The following PPFIA2 variants were observed in gnomAD, a reference collection of about 807,000 sequenced individuals.
The protein encoded by PPFIA2 is liprin-alpha-2.
Under a neutral mutation model 175.5 loss-of-function variants are expected in PPFIA2, and 46 were observed. The observed-to-expected ratio is 0.26, with a 90% CI of 0.21 to 0.34. PPFIA2 has a LOEUF of 0.34. Ranked by LOEUF, PPFIA2 falls within the 10% of genes least tolerant of loss-of-function variation. The pLI is 1.00. For synonymous variants in PPFIA2, 568 were observed against 511.4 expected, an observed-to-expected ratio of 1.11 and a Z score of -1.49; for missense variants, 1,179 against 1,506.1, an observed-to-expected ratio of 0.78 and a Z score of 3.60.
intron 8 of PPFIA2, among the ~76,000 whole-genome samples, chr12:81,394,343 A>G: frequency 6.6e-6 from 1 of 152,020 alleles, no homozygotes; most frequent in African/African-American, 2.4e-5. Context: ...TCCAGGTCAC[A>G]AAAATTATGT....
At chr12:81,337,674 G>A (rs2057345078) in intron 21 of PPFIA2, among the ~76,000 whole-genome samples, 3 of 152,050 alleles carry the variant, frequency 2.0e-5, no homozygotes, top group Admixed American at 1.3e-4. Context: ...AAAGTAAAGT[G>A]TCAATTATGG....
At chr12:81,502,550 C>T (rs899725848) in intron 4 of PPFIA2, among the ~76,000 whole-genome samples, 1 of 152,136 alleles carries the variant, frequency 6.6e-6, no homozygotes, top group Non-Finnish European at 1.5e-5. Flanking sequence ...TTAAGGGAAA[C>T]ATGTAGTGGG....
intron 4 of PPFIA2, chr12:81,546,598 C>T (rs796587972): frequency 5.3e-5 from 8 of 152,210 alleles, no homozygotes; most frequent in African/African-American, 1.9e-4. Context: ...ATATAATATA[C>T]CCCATCTATC....
chr12:81,650,012 G>GTT (rs869100881), intron 4 of PPFIA2, among the ~76,000 whole-genome samples: 5 of 147,516 alleles, frequency 3.4e-5, no homozygotes, highest in Non-Finnish European at 4.5e-5. Flanking sequence ...TTTTGTTTTT[G>GTT]TTTTTTTTTT....
chr12:81,678,222 T>G (rs2072942248), intron 3 of PPFIA2, among the ~76,000 whole-genome samples: 1 of 151,782 alleles, frequency 6.6e-6, no homozygotes, highest in Non-Finnish European at 1.5e-5. Context: ...GATAATTAAG[T>G]CCCAATTGAA....
In PPFIA2 at chr12:81,267,942, T is replaced by C; in HGVS notation, c.3456A>G (p.Leu1152=). The C allele has an allele frequency of 2.5e-6, 4 of 1,597,942 alleles. No individual in the cohort carries two copies. The highest frequency in any genetic ancestry group is 3.4e-6 in the Non-Finnish European group (4 of 1,171,288). Residue 1152 remains leucine, a synonymous_variant, in exon 29 of 33, where the codon TTA becomes TTG. Coordinates refer to ENST00000549396, the MANE Select transcript of PPFIA2 (RefSeq NM_003625.5). ...DENFDYSSLA[L]LLQIPTQNTQ... The stretch of plus-strand genomic sequence containing the variant: ...TGTTCTGTGTTGGAATCTGTAATAA[T>C]AAAGCTAAGCTGCTGTAGTCAAAGT...
chr12:81,756,646 G>A (rs2084717524), intron 2 of PPFIA2, among the ~76,000 whole-genome samples: 1 of 151,864 alleles, frequency 6.6e-6, no homozygotes, highest in Non-Finnish European at 1.5e-5. Flanking sequence ...TCTCTTTCAT[G>A]AAAGAGGGCC....
intron 4 of PPFIA2, among the ~76,000 whole-genome samples, chr12:81,657,899 T>C (rs1469055787): frequency 6.6e-6 from 1 of 152,190 alleles, no homozygotes; most frequent in African/African-American, 2.4e-5. Context: ...CAAATTACCA[T>C]GATTATTTCC....
intron 4 of PPFIA2, among the ~76,000 whole-genome samples, chr12:81,574,312 C>A (rs930509378): frequency 2.0e-5 from 3 of 151,762 alleles, no homozygotes; most frequent in African/African-American, 7.3e-5. Context: ...AAAAGATGAT[C>A]ATTTTTTAAA....
intron 4 of PPFIA2, among the ~76,000 whole-genome samples, chr12:81,623,397 A>G (rs556545510): frequency 2.6e-5 from 4 of 152,052 alleles, no homozygotes; most frequent in African/African-American, 7.2e-5. Flanking sequence ...GCTCATTAAA[A>G]TGATGAATAT....
chr12:81,422,254 C>T (rs1163733817), intron 7 of PPFIA2, among the ~76,000 whole-genome samples: 1 of 151,402 alleles, frequency 6.6e-6, no homozygotes, highest in Non-Finnish European at 1.5e-5. Context: ...TACACCTCTG[C>T]AAAGACTAGT....
intron 4 of PPFIA2, among the ~76,000 whole-genome samples, chr12:81,649,852 T>G (rs1324085327): frequency 6.6e-6 from 1 of 152,170 alleles, no homozygotes; most frequent in Non-Finnish European, 1.5e-5. Context: ...TGACAAAAAG[T>G]AGATCAATGG....
intron 4 of PPFIA2, among the ~76,000 whole-genome samples, chr12:81,515,203 T>C (rs2062266534): frequency 6.6e-6 from 1 of 151,948 alleles, no homozygotes; most frequent in Non-Finnish European, 1.5e-5. Flanking sequence ...GGTGCTGAAG[T>C]AACTAATGCT....
At chr12:81,328,023 C>T (rs566298561) in intron 21 of PPFIA2, among the ~76,000 whole-genome samples, 2 of 152,046 alleles carry the variant, frequency 1.3e-5, no homozygotes, top group Non-Finnish European at 2.9e-5. Flanking sequence ...CAGGCCAGTG[C>T]GCTTAACCAG....
chr12:81,405,913 A>G lies in PPFIA2; in HGVS notation c.646-10T>C. On this transcript the variant is annotated splice_polypyrimidine_tract_variant and intron_variant, in intron 7 of 32. Coordinates refer to ENST00000549396, the MANE Select transcript of PPFIA2 (RefSeq NM_003625.5). ...CACGCAAGGCAACAATCTGCAAAAT[A>G]AAAGCACTATGCCTTTAAAGTCTAA... The G allele has an allele frequency of 6.7e-7, 1 of 1,486,772 alleles. No homozygotes were observed. Among genetic ancestry groups the G allele is most frequent in the Non-Finnish European group, 9.2e-7 (1 of 1,088,062 alleles). 92.1% of individuals were successfully genotyped at this position (1,486,772 alleles called of 1,614,324 possible).
intron 4 of PPFIA2, among the ~76,000 whole-genome samples, chr12:81,522,781 G>A (rs1288039208): frequency 6.6e-6 from 1 of 151,946 alleles, no homozygotes; most frequent in Non-Finnish European, 1.5e-5. Flanking sequence ...AGCTTGCTTT[G>A]ACTGCAAAAA....
At chr12:81,423,433 A>G (rs2046636880) in intron 7 of PPFIA2, among the ~76,000 whole-genome samples, 1 of 152,206 alleles carries the variant, frequency 6.6e-6, no homozygotes, top group African/African-American at 2.4e-5. Context: ...CTGGAATGCA[A>G]GGATAGTTTA....
chr12:81,418,706 GA>G (rs200692123), intron 7 of PPFIA2, among the ~76,000 whole-genome samples: 1 of 149,392 alleles, frequency 6.7e-6, no homozygotes, highest in Non-Finnish European at 1.5e-5. Flanking sequence ...TCTCTTTAAG[GA>G]AAAAAAAACT....
chr12:81,639,792 A>G (rs552032884), intron 4 of PPFIA2, among the ~76,000 whole-genome samples: 17 of 152,146 alleles, frequency 1.1e-4, no homozygotes, highest in Non-Finnish European at 2.1e-4. Context: ...TTGCATTGAT[A>G]TCGCAATACT....
Sources: gnomAD v4.1 joint callset for allele counts (sites outside exome capture counted in the v4.1 genomes callset) on GRCh38, gnomAD v4.1.1 for gene constraint, MANE v1.5 for transcripts, NCBI Gene and HGNC (gene_info 2026-07-23, HGNC 2026-07-21) for gene names.